Variants in SERPING1 observed in about 807,000 individuals in gnomAD.
The protein encoded by SERPING1 is serpin family G member 1, also known as plasma protease C1 inhibitor.
Under a neutral mutation model 34.1 loss-of-function variants are expected in SERPING1, and 5 were observed. The ratio of observed to expected loss-of-function variants is 0.15; its 90% CI spans 0.08 to 0.31. The LOEUF is 0.31. SERPING1 is among the 10% of genes least tolerant of loss of function. SERPING1 has a pLI of 1.00. For synonymous variants in SERPING1, 225 were observed against 242.4 expected, an observed-to-expected ratio of 0.93 and a Z score of 0.67; for missense variants, 505 against 609.5, an observed-to-expected ratio of 0.83 and a Z score of 1.81.
At chr11:57,607,283 C>T (rs1232483492) in intron 6 of SERPING1, among the ~76,000 whole-genome samples, 3 of 152,224 alleles carry the variant, frequency 2.0e-5, no homozygotes, top group African/African-American at 7.2e-5. Context: ...CCTCTTCACT[C>T]AGATCCTCAC....
chr11:57,599,348 C>T (rs1314543215), intron 2 of SERPING1, among the ~76,000 whole-genome samples: 1 of 152,110 alleles, frequency 6.6e-6, no homozygotes, highest in Admixed American at 6.5e-5. Flanking sequence ...CTACTTCTCT[C>T]TCCCTCCCTT....
At chr11:57,608,503 G>T (rs1360256792) in intron 6 of SERPING1, among the ~76,000 whole-genome samples, 1 of 152,024 alleles carries the variant, frequency 6.6e-6, no homozygotes, top group Non-Finnish European at 1.5e-5. Context: ...GCCAATATGA[G>T]TTTTGTTTGT....
chr11:57,606,501 A>G lies in SERPING1; in HGVS notation c.983A>G (p.Lys328Arg), dbSNP rs186658509. 9 of 1,614,224 alleles carry G rather than the reference A, an allele frequency of 5.6e-6. No individual in the cohort carries two copies. In the East Asian group the frequency reaches 2.0e-4, roughly 36 times the overall value. Residue 328 changes from lysine to arginine, a missense_variant, in exon 6 of 8, where the codon AAG becomes AGG. Coordinates refer to ENST00000278407, the MANE Select transcript of SERPING1 (RefSeq NM_000062.3). ...SVIKVPMMNS[K>R]KYPVAHFIDQ... ...ATAAAAGTGCCCATGATGAATAGCAAGAAGTACCCTGTGGCCCATTTCATT... is the reference window on the plus strand; with the variant it reads ...ATAAAAGTGCCCATGATGAATAGCAGGAAGTACCCTGTGGCCCATTTCATT...
intron 2 of SERPING1, 33 bp downstream of exon 2, chr11:57,598,354 G>A (rs747969766): frequency 1.3e-6 from 2 of 1,544,578 alleles, no homozygotes; most frequent in Admixed American, 1.9e-5. Flanking sequence ...GGGGACGGGG[G>A]TGGAGACGGG....
At chr11:57,597,979 C>G (rs1329513450) in intron 1 of SERPING1, 1 of 500,232 alleles carries the variant, frequency 2.0e-6, no homozygotes, top group East Asian at 3.3e-5. Flanking sequence ...ACCCCCTCCC[C>G]CTCCCACCAC....
Position 57,602,111 on chromosome 11 carries a change from C to G in SERPING1, c.627C>G (p.Ala209=), listed in dbSNP as rs1180437196. 9.3e-6 allele frequency: 15 copies of G among 1,614,164 alleles called. 1 individual carries two copies. The highest frequency in any genetic ancestry group is 6.7e-5 in the African/African-American group (5 of 75,048). The change falls in exon 4 of 8, where the codon GCC becomes GCG. Residue 209 remains alanine, a synonymous_variant. Coordinates refer to ENST00000278407, the MANE Select transcript of SERPING1 (RefSeq NM_000062.3). ...YPKDFTCVHQ[A]LKGFTTKGVT... is the part of the protein sequence containing the mutation. Reference sequence around the variant, plus strand: ...AGGACTTCACCTGTGTCCACCAGGCCCTGAAGGGCTTCACGACCAAAGGTG... The same window carrying G: ...AGGACTTCACCTGTGTCCACCAGGCGCTGAAGGGCTTCACGACCAAAGGTG...
chr11:57,614,752 C>G lies in SERPING1; in HGVS notation c.*171C>G. On this transcript the variant is annotated 3_prime_UTR_variant, in exon 8 of 8. Transcript: ENST00000278407. Reference sequence around the variant, plus strand: ...GGCAAGGGACCTGCTTCTATTAGCCCTTCTCCATGGCCCTGCCATGCTCTC... The same window carrying G: ...GGCAAGGGACCTGCTTCTATTAGCCGTTCTCCATGGCCCTGCCATGCTCTC... 1.4e-6 allele frequency: 1 copy of G among 709,928 alleles called. No homozygotes were observed. Among genetic ancestry groups the G allele is most frequent in the Non-Finnish European group, 2.3e-6 (1 of 435,494 alleles). The allele number at this position is 709,928 out of a possible 1,614,324, so 44.0% of individuals were successfully genotyped here. A position where few individuals can be genotyped will look rare whatever the true frequency, so the allele number is the denominator to read the frequency against.
In SERPING1 at chr11:57,611,989, G is replaced by GA. The variant is rs879206890; in HGVS notation, c.1249+54dup. ...CCAGGCCATCAGAGGAGAAAGGGGG[G>GA]ATCCCTAAGATGTAGTTAGCATTCT... is the stretch of plus-strand genomic sequence containing the variant. On this transcript the variant is annotated intron_variant, in intron 7 of 7. Coordinates refer to ENST00000278407, the MANE Select transcript of SERPING1 (RefSeq NM_000062.3). 6.8e-5 allele frequency: 94 copies of GA among 1,389,374 alleles called. No individual in the cohort carries two copies. In the South Asian group the frequency reaches 1.1e-3, roughly 16 times the overall value. 86.1% of individuals were successfully genotyped at this position (1,389,374 alleles called of 1,614,324 possible).
intron 6 of SERPING1, among the ~76,000 whole-genome samples, chr11:57,608,187 A>G (rs960391478): frequency 2.6e-5 from 4 of 152,238 alleles, no homozygotes; most frequent in African/African-American, 7.2e-5. Flanking sequence ...TTTCAAATCA[A>G]TTGGAATGGC....
chr11:57,602,787 A>AC (rs1945365703), intron 4 of SERPING1, among the ~76,000 whole-genome samples: 1 of 149,760 alleles, frequency 6.7e-6, no homozygotes, highest in African/African-American at 2.5e-5. Flanking sequence ...CAAAAACAAA[A>AC]AAAAAAACAA....
chr11:57,601,987 C>T (rs773325157), intron 3 of SERPING1, 48 bp from the exon 4 acceptor site: 2 of 1,612,732 alleles, frequency 1.2e-6, no homozygotes, highest in South Asian at 2.2e-5. Flanking sequence ...CCAAGGAAGG[C>T]CCCCGACTCA....
In SERPING1 at chr11:57,614,659, G is replaced by A. The variant is rs190139326; in HGVS notation, c.*78G>A. The A allele has an allele frequency of 7.5e-5, 116 of 1,547,356 alleles. No individual in the cohort carries two copies. In the African/African-American group the frequency reaches 1.3e-3, roughly 18 times the overall value. On this transcript the variant is annotated 3_prime_UTR_variant, in exon 8 of 8. Coordinates refer to ENST00000278407, the MANE Select transcript of SERPING1 (RefSeq NM_000062.3). The stretch of plus-strand genomic sequence containing the variant: ...GTTGCAGCCCTGCTGCTGCCTGCCT[G>A]GACTTGGCCCCTGCCACCTCCTGCC...
rs555900167 is a variant in SERPING1, at chr11:57,603,793, T to G, written c.685+1624T>G. Among the ~76,000 whole-genome samples, 398 of 137,776 alleles carry G rather than the reference T, an allele frequency of 2.9e-3. 1 individual carries two copies. The highest frequency in any genetic ancestry group is 0.01 in the African/African-American group (374 of 36,206). 90.4% of individuals were successfully genotyped at this position (137,776 alleles called of 152,430 possible). A position where few individuals can be genotyped will look rare whatever the true frequency, so the allele number is the denominator to read the frequency against. On this transcript the variant is annotated intron_variant, in intron 4 of 7. Transcript: ENST00000278407. ...GGCGGAGCTTGCAGTGAGCCGAGAT[T>G]GCGCCACTGCACTCCAGCCTGGGCA...
At chr11:57,601,904 A>T in intron 3 of SERPING1, 131 bp from the exon 4 acceptor site, 1 of 776,144 alleles carries the variant, frequency 1.3e-6, no homozygotes, top group East Asian at 2.9e-5. Context: ...GAACACTTCC[A>T]GCTCAGATGA....
Position 57,600,363 on chromosome 11 carries a change from C to G in SERPING1, c.536C>G (p.Thr179Ser), listed in dbSNP as rs1345387476. The G allele has an allele frequency of 9.9e-6, 16 of 1,612,482 alleles. No homozygotes were observed. Among genetic ancestry groups the G allele is most frequent in the Non-Finnish European group, 1.4e-5 (16 of 1,180,034 alleles). Residue 179 changes from threonine to serine, a missense_variant, in exon 3 of 8, where the codon ACC (threonine) becomes AGC (serine). Coordinates refer to ENST00000278407, the MANE Select transcript of SERPING1 (RefSeq NM_000062.3). ...FSPFSIASLLTQVLLGAGENT... is the reference protein window; with the variant it reads ...FSPFSIASLLSQVLLGAGENT... Reference sequence around the variant, plus strand: ...CCATTCAGCATCGCCAGCCTCCTTACCCAGGTCCTGCTCGGTAAGACCCTG... The same window carrying G: ...CCATTCAGCATCGCCAGCCTCCTTAGCCAGGTCCTGCTCGGTAAGACCCTG...
chr11:57,606,049 C>T lies in SERPING1; in HGVS notation c.725C>T (p.Thr242Ile), dbSNP rs1162387864. The T allele has an allele frequency of 6.2e-7, 1 of 1,614,152 alleles. No individual in the cohort carries two copies. Among genetic ancestry groups the T allele is most frequent in the Admixed American group, 1.7e-5 (1 of 60,006 alleles). ...GACACCTTTGTGAATGCCTCTCGGACCCTGTACAGCAGCAGCCCCAGAGTC... is the reference window on the plus strand; with the variant it reads ...GACACCTTTGTGAATGCCTCTCGGATCCTGTACAGCAGCAGCCCCAGAGTC... ...IRDTFVNASR[T>I]LYSSSPRVLS... The change falls in exon 5 of 8, where the codon ACC becomes ATC. Residue 242 changes from threonine (T) to isoleucine (I), a missense_variant. Coordinates refer to ENST00000278407, the MANE Select transcript of SERPING1 (RefSeq NM_000062.3).
Position 57,606,067 on chromosome 11 carries a change from C to T in SERPING1, c.743C>T (p.Pro248Leu). 1 of 1,614,128 alleles carries T rather than the reference C, an allele frequency of 6.2e-7. No individual in the cohort carries two copies. Among genetic ancestry groups the T allele is most frequent in the South Asian group, 1.1e-5 (1 of 91,068 alleles). The change falls in exon 5 of 8, where the codon CCC (proline) becomes CTC (leucine). Residue 248 changes from proline to leucine, a missense_variant. Coordinates refer to ENST00000278407, the MANE Select transcript of SERPING1 (RefSeq NM_000062.3). ...TCTCGGACCCTGTACAGCAGCAGCC[C>T]CAGAGTCCTAAGCAACAACAGTGAC... The part of the protein sequence containing the change: ...NASRTLYSSS[P>L]RVLSNNSDAN...
At chr11:57,610,176 A>G (rs1338694231) in intron 6 of SERPING1, among the ~76,000 whole-genome samples, 37 of 152,224 alleles carry the variant, frequency 2.4e-4, no homozygotes, top group Admixed American at 2.4e-3. Context: ...TAAATAACAA[A>G]CATACAGGTT....
rs1383635080 is a variant in SERPING1, at chr11:57,600,019, C to G, written c.192C>G (p.Ser64Arg). The stretch of plus-strand genomic sequence containing the variant: ...TTGAACCCATCCTGGAGGTTTCCAG[C>G]TTGCCGACAACCAACTCAACAACCA... ...LFVEPILEVS[S>R]LPTTNSTTNS... Residue 64 changes from serine to arginine, a missense_variant, in exon 3 of 8, where the codon AGC becomes AGG. Transcript: ENST00000278407. 1 of 1,614,148 alleles carries G rather than the reference C, an allele frequency of 6.2e-7. No homozygotes were observed. The highest frequency in any genetic ancestry group is 1.7e-5 in the Admixed American group (1 of 60,014).
Sources: allele counts gnomAD v4.1 joint callset (sites outside exome capture counted in the v4.1 genomes callset), GRCh38; gene constraint gnomAD v4.1.1; transcripts MANE v1.5; gene names NCBI Gene and HGNC (gene_info 2026-07-23, HGNC 2026-07-21).